TBCE: variants seen among roughly 807,000 people sequenced by gnomAD.
The protein encoded by TBCE is tubulin-specific chaperone E.
Under a neutral mutation model 77.0 loss-of-function variants are expected in TBCE, and 53 were observed. The ratio of observed to expected loss-of-function variants is 0.69; its 90% confidence interval spans 0.55 to 0.87. The LOEUF is 0.87. Among genes scored for constraint, TBCE ranks in the 40% least tolerant of loss-of-function variants. The pLI is 0.00. For missense variants in TBCE, 624 were observed against 622.4 expected (o/e 1.00, Z -0.03); for synonymous variants, 235 against 241.3 (o/e 0.97, Z 0.24).
At chr1:235,423,024 A>C (rs1033492513) in intron 5 of TBCE, among the ~76,000 whole-genome samples, 2 of 152,252 alleles carry the variant, frequency 1.3e-5, no homozygotes, top group Non-Finnish European at 2.9e-5. Flanking sequence ...ATTTGCAGAT[A>C]CAGTGATAAA....
intron 3 of TBCE, among the ~76,000 whole-genome samples, chr1:235,408,877 A>G (rs768797755): frequency 9.2e-5 from 14 of 152,182 alleles, no homozygotes; most frequent in Non-Finnish European, 1.8e-4. Flanking sequence ...CCAAAGCTCC[A>G]ACAAGAAAGA....
intron 5 of TBCE, among the ~76,000 whole-genome samples, 177 bp from the exon 6 acceptor site, chr1:235,426,963 G>A (rs146002496): frequency 5.1e-4 from 78 of 152,214 alleles, no homozygotes; most frequent in South Asian, 3.1e-3. Flanking sequence ...GAACTTTTTC[G>A]TTTCTCAGTG....
At chr1:235,424,954 T>G (rs150071634) in intron 5 of TBCE, among the ~76,000 whole-genome samples, 1,797 of 152,266 alleles carry the variant, frequency 0.012, 20 homozygotes, top group Non-Finnish European at 0.018. Context: ...ATCTTGGAGC[T>G]CTTCTTCTGT....
At chr1:235,393,634 A>G (rs1317153199) in intron 2 of TBCE, among the ~76,000 whole-genome samples, 1 of 152,102 alleles carries the variant, frequency 6.6e-6, no homozygotes, top group Non-Finnish European at 1.5e-5. Flanking sequence ...CTGTATTGAA[A>G]TATATTGAAA....
At chr1:235,379,722 G>C (rs1419359554) in intron 1 of TBCE, among the ~76,000 whole-genome samples, 1 of 152,002 alleles carries the variant, frequency 6.6e-6, no homozygotes, top group Non-Finnish European at 1.5e-5. Flanking sequence ...ACTGAGGTTG[G>C]TGGATTGCTG....
intron 5 of TBCE, among the ~76,000 whole-genome samples, chr1:235,420,630 C>T (rs1680352156): frequency 6.6e-6 from 1 of 152,140 alleles, no homozygotes; most frequent in African/African-American, 2.4e-5. Flanking sequence ...CTACAGGCGC[C>T]CGCCACCACG....
At chr1:235,430,608 C>G in intron 6 of TBCE, 97 bp from the exon 7 acceptor site, 1 of 797,672 alleles carries the variant, frequency 1.3e-6, no homozygotes. Flanking sequence ...ACAAATCAAA[C>G]CCCTTAGATT....
At chr1:235,412,006 C>T (rs4659520) in intron 3 of TBCE, among the ~76,000 whole-genome samples, 84,853 of 150,268 alleles carry the variant, frequency 0.56, 24,205 homozygotes, top group East Asian at 0.63. Context: ...GGCAAGGCCT[C>T]AGCTGTTACC....
rs771540713 is a variant in TBCE at position 235,448,800 on chromosome 1, C to A, written c.*38C>A. ...AAAATTTAAAGACCACACTGCTTAT[C>A]GTGTCTGGGGTTCACCGGAAATAAA... On this transcript the variant is annotated 3_prime_UTR_variant, in exon 17 of 17. Transcript: ENST00000642610. 1.1e-5 allele frequency: 16 copies of A among 1,402,928 alleles called. No homozygotes were observed. The African/African-American group carries it at 2.1e-4, about 19-fold the overall frequency. 86.9% of individuals were successfully genotyped at this position (1,402,928 alleles called of 1,614,324 possible). A position where few individuals can be genotyped will look rare whatever the true frequency, so the allele number is the denominator to read the frequency against.
In TBCE at chr1:235,380,119, C is replaced by T. The variant is rs750637765; in HGVS notation, c.70C>T (p.Arg24Cys). The change falls in exon 2 of 17, where the codon CGT becomes TGT. Residue 24 changes from arginine (R) to cysteine (C), a missense_variant. Coordinates refer to ENST00000642610, the MANE Select transcript of TBCE (RefSeq NM_003193.5). ...AGTTAATGGAGAACATGCAACAGTA[C>T]GTTTTGCTGGTGTTGTCCCTCCCGT... ...VEVNGEHATV[R>C]FAGVVPPVAG... 9.3e-6 allele frequency: 15 copies of T among 1,607,288 alleles called. No homozygotes were observed. Among genetic ancestry groups the T allele is most frequent in the Middle Eastern group, 1.7e-4 (1 of 6,058 alleles).
chr1:235,432,527 C>T (rs766228253), intron 7 of TBCE, among the ~76,000 whole-genome samples: 2 of 152,184 alleles, frequency 1.3e-5, no homozygotes, highest in African/African-American at 4.8e-5. Context: ...CACCTGCAAT[C>T]CCAGCGCTTT....
chr1:235,450,123 G>T lies in TBCE; in HGVS notation c.*1361G>T, dbSNP rs539661396. ...CTCTTGAAAGACCATACAGTCTACT[G>T]CTAAACCCTGGGACTCCTCAGACTT... On this transcript the variant is annotated 3_prime_UTR_variant, in exon 17 of 17. Coordinates refer to ENST00000642610, the MANE Select transcript of TBCE (RefSeq NM_003193.5). The T allele has an allele frequency of 1.6e-4, 243 of 1,530,556 alleles. No individual in the cohort carries two copies. In the Middle Eastern group the frequency reaches 2.4e-3, roughly 15 times the overall value. The allele number at this position is 1,530,556 out of a possible 1,614,324, so 94.8% of individuals were successfully genotyped here.
At chr1:235,446,544 AAC>A (rs1682324019) in intron 15 of TBCE, among the ~76,000 whole-genome samples, 1 of 152,240 alleles carries the variant, frequency 6.6e-6, no homozygotes, top group Admixed American at 6.5e-5. Flanking sequence ...TCAAATTTTT[AAC>A]ACTGGTCATA....
chr1:235,369,678 T>A (rs1676786138), intron 1 of TBCE, among the ~76,000 whole-genome samples: 1 of 151,286 alleles, frequency 6.6e-6, no homozygotes, highest in Non-Finnish European at 1.5e-5. Context: ...ACACAAAAAA[T>A]TACCCAGGTG....
chr1:235,435,859 C>A lies in TBCE; in HGVS notation c.833+19C>A. 1 of 1,595,828 alleles carries A rather than the reference C, an allele frequency of 6.3e-7. No individual in the cohort carries two copies. The highest frequency in any genetic ancestry group is 8.6e-7 in the Non-Finnish European group (1 of 1,163,328). On this transcript the variant is annotated intron_variant, in intron 9 of 16. Transcript: ENST00000642610. ...TGCCCAGGTAATTTGCCCCTAAATG[C>A]CTGATACAATAGTGTTCAGTCAATT...
intron 6 of TBCE, among the ~76,000 whole-genome samples, chr1:235,428,439 C>T (rs1680866134): frequency 1.3e-5 from 2 of 152,020 alleles, no homozygotes; most frequent in Admixed American, 1.3e-4. Context: ...TTTCTCTTGC[C>T]TTTTAAACCT....
intron 15 of TBCE, among the ~76,000 whole-genome samples, chr1:235,447,098 T>G (rs1682391919): frequency 6.6e-6 from 1 of 152,180 alleles, no homozygotes; most frequent in Non-Finnish European, 1.5e-5. Context: ...TGAAAGCCAG[T>G]CCGTCTCAAT....
At chr1:235,423,100 T>G (rs1345179031) in intron 5 of TBCE, among the ~76,000 whole-genome samples, 2 of 152,202 alleles carry the variant, frequency 1.3e-5, no homozygotes, top group Non-Finnish European at 2.9e-5. Flanking sequence ...CTTAATCCAG[T>G]CATCCTTTTT....
chr1:235,434,389 G>T (rs1271699100), intron 8 of TBCE, 109 bp downstream of exon 8: 5 of 1,007,914 alleles, frequency 5.0e-6, no homozygotes, highest in Non-Finnish European at 7.7e-6. Flanking sequence ...TTGCAAACAA[G>T]AATTAGGAAA....
Sources: allele counts gnomAD v4.1 joint callset (sites outside exome capture counted in the v4.1 genomes callset), GRCh38; gene constraint gnomAD v4.1.1; transcripts MANE v1.5; gene names NCBI Gene and HGNC (gene_info 2026-07-23, HGNC 2026-07-21).